CCNYL1: variants seen among roughly 807,000 people sequenced by gnomAD.
CCNYL1 encodes the protein cyclin Y like 1.
A neutral mutation model predicts 44.2 loss-of-function variants in CCNYL1; 16 were observed. The ratio of observed to expected loss-of-function variants is 0.36; its 90% CI spans 0.25 to 0.55. The LOEUF (loss-of-function observed/expected upper bound fraction) is 0.55, where lower values mean the gene tolerates loss of function less well. Ranked by LOEUF, CCNYL1 falls within the 20% of genes least tolerant of loss-of-function variation. CCNYL1 has a pLI of 0.85. For missense variants in CCNYL1, 348 were observed against 451.8 expected (o/e 0.77, Z 2.08); for synonymous variants, 159 against 163.2 (o/e 0.97, Z 0.20).
chr2:207,720,354 G>C (rs1380457740), intron 1 of CCNYL1, among the ~76,000 whole-genome samples: 1 of 151,256 alleles, frequency 6.6e-6, no homozygotes, highest in Non-Finnish European at 1.5e-5. Flanking sequence ...TAATAACATT[G>C]GATAATGAAA....
chr2:207,733,574 A>G (rs1271312924), intron 3 of CCNYL1, among the ~76,000 whole-genome samples: 8 of 152,252 alleles, frequency 5.3e-5, no homozygotes, highest in African/African-American at 1.4e-4. Context: ...AATATGATTT[A>G]AGGCATTACA....
At chr2:207,718,205 A>G (rs2091612140) in intron 1 of CCNYL1, among the ~76,000 whole-genome samples, 2 of 152,142 alleles carry the variant, frequency 1.3e-5, no homozygotes, top group African/African-American at 4.8e-5. Flanking sequence ...TGCCCGGCCA[A>G]TATTTTTAAT....
At chr2:207,727,533 T>TG (rs1352094471) in intron 3 of CCNYL1, among the ~76,000 whole-genome samples, 11 of 151,756 alleles carry the variant, frequency 7.2e-5, no homozygotes, top group South Asian at 2.1e-4. Flanking sequence ...GTCTTTTTTT[T>TG]TGTGTGTGTG....
intron 1 of CCNYL1, among the ~76,000 whole-genome samples, chr2:207,715,086 G>A (rs1434599564): frequency 1.3e-5 from 2 of 152,054 alleles, no homozygotes; most frequent in African/African-American, 4.8e-5. Context: ...TGGCCAACAT[G>A]GTGAAACCCC....
At position 207,747,170 on chromosome 2, in the gene CCNYL1, G is replaced by A; in HGVS notation, c.763G>A (p.Val255Met). ...KVWDDQAVWN[V>M]DYCQILKDIT... ...TTGGGACGATCAGGCTGTATGGAAT[G>A]TGGACTACTGCCAGATCCTCAAGGA... Residue 255 changes from valine (V) to methionine (M), a missense_variant, in exon 8 of 10, where the codon GTG becomes ATG. By Grantham distance (21) the Val-to-Met change is conservative (BLOSUM62 1). Transcript: ENST00000295414. The A allele has an allele frequency of 6.2e-7, 1 of 1,614,034 alleles. No individual in the cohort carries two copies. The highest frequency in any genetic ancestry group is 8.5e-7 in the Non-Finnish European group (1 of 1,179,940).
rs1344850107 is a variant in CCNYL1, at chr2:207,747,076, T to A, written c.669T>A (p.Ala223=). Residue 223 remains alanine (A), a synonymous_variant, in exon 8 of 10, where the codon GCT becomes GCA. Coordinates refer to ENST00000295414, the MANE Select transcript of CCNYL1 (RefSeq NM_001330218.2). ...LVYLERLLTY[A]EIDICPTNWK... The stretch of plus-strand genomic sequence containing the variant: ...ACTTAGAAAGGCTTTTAACTTATGC[T>A]GAAATCGACATTTGTCCCACCAACT... 2.5e-6 allele frequency: 4 copies of A among 1,614,032 alleles called. No homozygotes were observed. The highest frequency in any genetic ancestry group is 3.4e-6 in the Non-Finnish European group (4 of 1,180,014).
chr2:207,717,376 G>C (rs927281353), intron 1 of CCNYL1, among the ~76,000 whole-genome samples: 2 of 152,168 alleles, frequency 1.3e-5, no homozygotes, highest in Non-Finnish European at 2.9e-5. Context: ...TGCTGAAACA[G>C]ATGTTTATTG....
intron 3 of CCNYL1, among the ~76,000 whole-genome samples, chr2:207,733,239 A>T (rs1330764121): frequency 1.3e-5 from 2 of 152,368 alleles, no homozygotes; most frequent in East Asian, 3.8e-4. Flanking sequence ...AATAAAATTA[A>T]TAACATTTTG....
chr2:207,727,383 T>C (rs1183804209), intron 3 of CCNYL1, among the ~76,000 whole-genome samples: 2 of 152,184 alleles, frequency 1.3e-5, no homozygotes, highest in Non-Finnish European at 2.9e-5. Context: ...TATATTATTC[T>C]CACTGTCTTC....
intron 7 of CCNYL1, 112 bp from the exon 8 acceptor site, chr2:207,746,935 A>G: frequency 2.4e-6 from 2 of 816,712 alleles, no homozygotes; most frequent in South Asian, 1.8e-5. Context: ...AGATCGCACC[A>G]TTGCACTACA....
chr2:207,733,226 T>G (rs558001635), intron 3 of CCNYL1, among the ~76,000 whole-genome samples: 1 of 152,234 alleles, frequency 6.6e-6, no homozygotes, highest in Admixed American at 6.5e-5. Flanking sequence ...AAATAACTTA[T>G]AGAATAAAAT....
intron 3 of CCNYL1, among the ~76,000 whole-genome samples, chr2:207,729,688 C>T (rs2091710627): frequency 6.6e-6 from 1 of 151,288 alleles, no homozygotes; most frequent in Non-Finnish European, 1.5e-5. Flanking sequence ...TTCCCCTTTC[C>T]TTTCTCCTGT....
chr2:207,738,365 C>T (rs867149920), intron 5 of CCNYL1, among the ~76,000 whole-genome samples: 8 of 151,972 alleles, frequency 5.3e-5, no homozygotes, highest in Admixed American at 3.9e-4. Context: ...GGGTTACAGG[C>T]GCATGCCACC....
chr2:207,723,406 T>C (rs2091655814), intron 1 of CCNYL1, among the ~76,000 whole-genome samples: 2 of 152,214 alleles, frequency 1.3e-5, no homozygotes, highest in African/African-American at 4.8e-5. Flanking sequence ...TATATCAATG[T>C]GCGTTTTGAT....
At chr2:207,712,176 G>C (rs2105813398) in intron 1 of CCNYL1, 60 bp downstream of exon 1, 5 of 1,462,740 alleles carry the variant, frequency 3.4e-6, no homozygotes, top group East Asian at 5.3e-5. Context: ...TCCTCCCCCA[G>C]AGTCCCCCGG....
chr2:207,731,668 A>C (rs1055555923), intron 3 of CCNYL1, among the ~76,000 whole-genome samples: 3 of 152,150 alleles, frequency 2.0e-5, no homozygotes, highest in Admixed American at 6.5e-5. Flanking sequence ...GCCAGCTATA[A>C]TTGCTTTGCT....
intron 9 of CCNYL1, 62 bp from the exon 10 acceptor site, chr2:207,753,526 C>CT: frequency 1.8e-6 from 2 of 1,117,360 alleles, no homozygotes; most frequent in Non-Finnish European, 2.7e-6. Flanking sequence ...CAATGGTGCT[C>CT]TTTCAAAGGC....
At chr2:207,712,180 C>G (rs376226089) in intron 1 of CCNYL1, 64 bp downstream of exon 1, 3 of 1,406,894 alleles carry the variant, frequency 2.1e-6, no homozygotes, top group African/African-American at 1.5e-5. Context: ...CCCCCAGAGT[C>G]CCCCGGGAGG....
intron 7 of CCNYL1, 118 bp downstream of exon 7, chr2:207,742,460 C>T: frequency 2.2e-6 from 2 of 929,672 alleles, no homozygotes; most frequent in South Asian, 4.3e-5. Flanking sequence ...TAAGAGAAAC[C>T]TATGAAAGGA....
Sources: gnomAD v4.1 joint callset for allele counts (sites outside exome capture counted in the v4.1 genomes callset) on GRCh38, gnomAD v4.1.1 for gene constraint, MANE v1.5 for transcripts, NCBI Gene and HGNC (gene_info 2026-07-23, HGNC 2026-07-21) for gene names.